The following TANC1 variants were observed in gnomAD, a reference collection of about 807,000 sequenced individuals.
TANC1 encodes the protein tetratricopeptide repeat, ankyrin repeat and coiled-coil containing 1.
TANC1 carries 77 observed loss-of-function variants against 149.7 expected under a neutral mutation model. The ratio of observed to expected loss-of-function variants is 0.51; its 90% CI spans 0.43 to 0.62. TANC1 has a LOEUF of 0.62. TANC1 is among the 20% of genes least tolerant of loss of function. The probability of loss-of-function intolerance (pLI) is 0.00; values close to 1 mark genes in which losing one functional copy is unlikely to be tolerated. For synonymous variants in TANC1, 854 were observed against 925.0 expected (o/e 0.92, Z 1.39); for missense variants, 1,985 against 2,321.8 (o/e 0.85, Z 2.98).
At chr2:159,023,731 C>A (rs2039018639) in intron 2 of TANC1, among the ~76,000 whole-genome samples, 1 of 152,086 alleles carries the variant, frequency 6.6e-6, no homozygotes, top group Admixed American at 6.5e-5. Flanking sequence ...CTTTGTGAGG[C>A]CGAGGTGGGT....
At chr2:159,200,797 G>A (rs930823964) in intron 19 of TANC1, among the ~76,000 whole-genome samples, 2 of 152,172 alleles carry the variant, frequency 1.3e-5, no homozygotes, top group Non-Finnish European at 2.9e-5. Context: ...ACTCCACTGG[G>A]GAAAGACCCA....
intron 4 of TANC1, among the ~76,000 whole-genome samples, chr2:159,101,244 T>C (rs1444696459): frequency 6.6e-6 from 1 of 152,190 alleles, no homozygotes; most frequent in Non-Finnish European, 1.5e-5. Context: ...ATCCAGAAAC[T>C]GTTAGGGACT....
At chr2:158,976,651 C>T (rs954883811) in intron 1 of TANC1, among the ~76,000 whole-genome samples, 2 of 152,080 alleles carry the variant, frequency 1.3e-5, no homozygotes, top group African/African-American at 4.8e-5. Context: ...GAGGCCAAGG[C>T]GGGCAGATCA....
intron 2 of TANC1, among the ~76,000 whole-genome samples, chr2:159,043,183 T>G (rs2040787960): frequency 6.6e-6 from 1 of 152,188 alleles, no homozygotes; most frequent in African/African-American, 2.4e-5. Context: ...TTACTGCTGC[T>G]TTGGGATTTT....
chr2:159,213,823 G>A (rs945403298), intron 19 of TANC1, among the ~76,000 whole-genome samples: 11 of 152,176 alleles, frequency 7.2e-5, no homozygotes, highest in Admixed American at 6.5e-4. Flanking sequence ...GGGCCCCAAG[G>A]TATTAGAATT....
At chr2:159,003,941 A>G in intron 2 of TANC1, 4 of 1,612,796 alleles carry the variant, frequency 2.5e-6, no homozygotes, top group Non-Finnish European at 3.4e-6. Flanking sequence ...TAGAACAGCC[A>G]CAGCTGATGA....
chr2:159,072,553 T>G (rs1559205219), intron 3 of TANC1, among the ~76,000 whole-genome samples: 1 of 152,254 alleles, frequency 6.6e-6, no homozygotes, highest in African/African-American at 2.4e-5. Flanking sequence ...AGCTTGACAT[T>G]TGGCCTCTGC....
intron 1 of TANC1, among the ~76,000 whole-genome samples, chr2:158,980,133 G>C (rs1019764923): frequency 3.3e-5 from 5 of 152,208 alleles, no homozygotes; most frequent in Non-Finnish European, 5.9e-5. Flanking sequence ...GGTCAAATAA[G>C]TGGGAAAATC....
In TANC1 at chr2:159,074,743, G is replaced by A. The variant is rs535269705; in HGVS notation, c.61+8772G>A. ...AGTCTGCTTGAGCTGCCGTAACAAA[G>A]CACCATTGACTGGGTGGCTTTAACA... On this transcript the variant is annotated intron_variant, in intron 3 of 26. Coordinates refer to ENST00000263635, the MANE Select transcript of TANC1 (RefSeq NM_033394.3). 2.0e-5 allele frequency among the ~76,000 whole-genome samples: 3 copies of A among 152,194 alleles called. 1 individual carries two copies. The highest frequency in any genetic ancestry group is 4.8e-5 in the African/African-American group (2 of 41,520).
At chr2:159,025,240 TTCTCCTTCCTTCTC>T (rs2039220930) in intron 2 of TANC1, among the ~76,000 whole-genome samples, 45 of 150,038 alleles carry the variant, frequency 3.0e-4, no homozygotes, top group South Asian at 4.2e-4. Context: ...TTTCTTTCTT[TTCTCCTTCCTTCTC>T]CTTCCTTCCT....
chr2:159,169,838 T>C (rs1169410898), intron 9 of TANC1, among the ~76,000 whole-genome samples: 1 of 151,990 alleles, frequency 6.6e-6, no homozygotes, highest in East Asian at 1.9e-4. Flanking sequence ...GTTAAAAATA[T>C]AAAAATTAGC....
At chr2:159,075,265 A>G (rs1460516365) in intron 3 of TANC1, among the ~76,000 whole-genome samples, 1 of 152,134 alleles carries the variant, frequency 6.6e-6, no homozygotes, top group African/African-American at 2.4e-5. Context: ...TATATACTCA[A>G]TGTACAAAAT....
At chr2:159,004,376 G>C in intron 2 of TANC1, 13 of 1,451,312 alleles carry the variant, frequency 9.0e-6, no homozygotes, top group Non-Finnish European at 1.3e-5. Context: ...CAGCTATGTG[G>C]TTCCAAAGTT....
chr2:159,155,454 G>A (rs1473950770), intron 7 of TANC1, among the ~76,000 whole-genome samples: 1 of 152,174 alleles, frequency 6.6e-6, no homozygotes, highest in Non-Finnish European at 1.5e-5. Flanking sequence ...TCCTGAATCG[G>A]CCTCCTTTGG....
At chr2:159,166,268 T>C (rs1483057276) in intron 8 of TANC1, among the ~76,000 whole-genome samples, 1 of 152,238 alleles carries the variant, frequency 6.6e-6, no homozygotes, top group Non-Finnish European at 1.5e-5. Flanking sequence ...GCATGATTGC[T>C]ATCCAGTTTT....
intron 7 of TANC1, among the ~76,000 whole-genome samples, chr2:159,162,762 A>AGCTTTAAGG (rs1482692757): frequency 6.6e-6 from 1 of 152,144 alleles, no homozygotes; most frequent in Non-Finnish European, 1.5e-5. Context: ...AGATGTTATA[A>AGCTTTAAGG]GCTTTAAGGG....
chr2:159,084,003 A>G (rs1166030184), intron 3 of TANC1, among the ~76,000 whole-genome samples: 6 of 152,172 alleles, frequency 3.9e-5, no homozygotes. Context: ...TGTAATCCAA[A>G]TGCTTTGGGA....
chr2:159,046,915 AT>A (rs1421069086), intron 2 of TANC1, among the ~76,000 whole-genome samples: 3 of 151,950 alleles, frequency 2.0e-5, no homozygotes, highest in African/African-American at 7.3e-5. Context: ...CCTTTGCACC[AT>A]ACTCGACTGC....
chr2:158,972,821 A>G (rs2033096205), intron 1 of TANC1, among the ~76,000 whole-genome samples: 1 of 152,202 alleles, frequency 6.6e-6, no homozygotes, highest in Non-Finnish European at 1.5e-5. Flanking sequence ...GCTATTAGCT[A>G]GAGAAGTTGG....
Sources: gnomAD v4.1 joint callset for allele counts (sites outside exome capture counted in the v4.1 genomes callset) on GRCh38, gnomAD v4.1.1 for gene constraint, MANE v1.5 for transcripts, NCBI Gene and HGNC (gene_info 2026-07-23, HGNC 2026-07-21) for gene names.